Variants in SEMA3A observed in about 807,000 individuals in gnomAD.
SEMA3A encodes the protein semaphorin-3A.
Under a neutral mutation model 97.9 loss-of-function variants are expected in SEMA3A, and 29 were observed. That is an observed-to-expected ratio of 0.30 (90% CI 0.22 to 0.40). The LOEUF is 0.40. Ranked by LOEUF, SEMA3A falls within the 10% of genes least tolerant of loss-of-function variation. The pLI is 1.00. For missense variants in SEMA3A, 763 were observed against 951.3 expected (o/e 0.80, Z 2.60); for synonymous variants, 321 against 323.7 (o/e 0.99, Z 0.09).
intron 6 of SEMA3A, 33 bp downstream of exon 6, chr7:84,046,291 T>TTACA (rs1792345414): frequency 6.2e-7 from 1 of 1,610,126 alleles, no homozygotes; most frequent in South Asian, 1.1e-5. Flanking sequence ...GTTACACATG[T>TTACA]TACATGTCTA....
At chr7:84,079,316 C>T (rs929040443) in intron 4 of SEMA3A, among the ~76,000 whole-genome samples, 16 of 151,228 alleles carry the variant, frequency 1.1e-4, no homozygotes, top group African/African-American at 3.6e-4. Context: ...TCTAAAACAC[C>T]AAAAGCAATG....
At chr7:83,986,017 T>C (rs528290371) in intron 12 of SEMA3A, among the ~76,000 whole-genome samples, 1 of 152,220 alleles carries the variant, frequency 6.6e-6, no homozygotes, top group South Asian at 2.1e-4. Context: ...GTTTGGACAA[T>C]GTTCATGTTT....
intron 3 of SEMA3A, among the ~76,000 whole-genome samples, chr7:84,270,623 A>G (rs532035393): frequency 6.8e-6 from 1 of 147,796 alleles, no homozygotes; most frequent in African/African-American, 2.5e-5. Context: ...ATATATGCAT[A>G]TATATTCTAT....
chr7:84,409,342 A>G (rs896184904), intron 1 of SEMA3A, among the ~76,000 whole-genome samples: 1 of 151,756 alleles, frequency 6.6e-6, no homozygotes, highest in Non-Finnish European at 1.5e-5. Context: ...TTTTTAAAAT[A>G]AAAAAATTAT....
chr7:84,160,848 C>G (rs1430868375), intron 1 of SEMA3A, among the ~76,000 whole-genome samples: 1 of 151,874 alleles, frequency 6.6e-6, no homozygotes, highest in South Asian at 2.1e-4. Context: ...CCATTGCACT[C>G]CAGCCTGGGC....
chr7:84,179,210 G>A (rs1237769235), intron 1 of SEMA3A, among the ~76,000 whole-genome samples: 1 of 152,040 alleles, frequency 6.6e-6, no homozygotes, highest in African/African-American at 2.4e-5. Flanking sequence ...GCACTACCTT[G>A]ACTATTAGTA....
chr7:84,150,864 T>C (rs903387798), intron 1 of SEMA3A, among the ~76,000 whole-genome samples: 8 of 151,568 alleles, frequency 5.3e-5, no homozygotes, highest in Non-Finnish European at 1.2e-4. Flanking sequence ...AAGAGAGCAG[T>C]GGTTCTCCCA....
At chr7:84,448,197 A>AT (rs1328350174) in intron 1 of SEMA3A, among the ~76,000 whole-genome samples, 1 of 152,140 alleles carries the variant, frequency 6.6e-6, no homozygotes, top group African/African-American at 2.4e-5. Flanking sequence ...CATGAGCAAA[A>AT]CTCAGGCAAA....
intron 15 of SEMA3A, among the ~76,000 whole-genome samples, chr7:83,971,712 GA>G (rs1427966077): frequency 6.6e-6 from 1 of 152,090 alleles, no homozygotes; most frequent in Non-Finnish European, 1.5e-5. Context: ...CCATTTACTA[GA>G]AATAGGACCA....
At chr7:83,989,762 C>G (rs1362710180) in intron 12 of SEMA3A, among the ~76,000 whole-genome samples, 1 of 147,894 alleles carries the variant, frequency 6.8e-6, no homozygotes, top group Non-Finnish European at 1.5e-5. Context: ...ATTGTGAATA[C>G]TGCCGCAATA....
chr7:84,397,153 G>A (rs1803757661), intron 1 of SEMA3A, among the ~76,000 whole-genome samples: 1 of 151,826 alleles, frequency 6.6e-6, no homozygotes, highest in Admixed American at 6.6e-5. Context: ...AAAAACCTAA[G>A]GCTATTGTGT....
At chr7:84,010,627 T>C (rs915630117) in intron 9 of SEMA3A, among the ~76,000 whole-genome samples, 5 of 152,162 alleles carry the variant, frequency 3.3e-5, no homozygotes, top group African/African-American at 1.2e-4. Context: ...GAGAACTTTT[T>C]CCATTATATT....
At chr7:84,033,986 A>ATT (rs35107072) in intron 6 of SEMA3A, among the ~76,000 whole-genome samples, 1 of 147,748 alleles carries the variant, frequency 6.8e-6, no homozygotes, top group African/African-American at 2.5e-5. Context: ...TTTGTTTTTA[A>ATT]TTTTTTTTTT....
intron 1 of SEMA3A, among the ~76,000 whole-genome samples, chr7:84,490,915 T>C (rs1354636950): frequency 6.6e-6 from 1 of 152,164 alleles, no homozygotes; most frequent in African/African-American, 2.4e-5. Flanking sequence ...AATCTCTCCC[T>C]GTAGGGGGTA....
intron 1 of SEMA3A, among the ~76,000 whole-genome samples, chr7:84,482,455 A>G (rs984789298): frequency 1.3e-5 from 2 of 152,200 alleles, no homozygotes; most frequent in Non-Finnish European, 1.5e-5. Context: ...ATTCTAATCA[A>G]TAGCATTGGC....
chr7:84,267,241 T>C (rs1445372736), intron 3 of SEMA3A, among the ~76,000 whole-genome samples: 2 of 152,070 alleles, frequency 1.3e-5, no homozygotes, highest in Non-Finnish European at 2.9e-5. Context: ...TCCAAAACAC[T>C]TCTAGTCCCA....
At chr7:84,397,193 T>A (rs560568889) in intron 1 of SEMA3A, among the ~76,000 whole-genome samples, 1 of 151,890 alleles carries the variant, frequency 6.6e-6, no homozygotes, top group South Asian at 2.1e-4. Flanking sequence ...ATAATCTACT[T>A]TATCATGTCT....
intron 4 of SEMA3A, among the ~76,000 whole-genome samples, chr7:84,089,022 G>GGCATTGAA (rs1794479645): frequency 1.3e-5 from 2 of 150,520 alleles, no homozygotes; most frequent in Non-Finnish European, 3.0e-5. Flanking sequence ...AAAAAAAAAA[G>GGCATTGAA]GCATTGAAGT....
rs188441677 is a variant in SEMA3A, at chr7:84,391,349, C to T, written c.-245-19449G>A. 2.4e-3 allele frequency among the ~76,000 whole-genome samples: 369 copies of T among 152,176 alleles called. 1 individual carries two copies. The highest frequency in any genetic ancestry group is 3.9e-3 in the Non-Finnish European group (262 of 68,006). On this transcript the variant is annotated intron_variant, in intron 1 of 3. Coordinates refer to the SEMA3A transcript ENST00000424555. ...ACTAGCAACAAAATGCTAAATCTGG[C>T]TAGGAAACATATGTGGAAATCCCTG...
Sources: allele counts gnomAD v4.1 joint callset (sites outside exome capture counted in the v4.1 genomes callset), GRCh38; gene constraint gnomAD v4.1.1; transcripts MANE v1.5; gene names NCBI Gene and HGNC (gene_info 2026-07-23, HGNC 2026-07-21).